Variants in FBXL5 observed in about 807,000 individuals in gnomAD.
FBXL5 encodes F-box and leucine rich repeat protein 5.
Under a neutral mutation model 78.3 loss-of-function variants are expected in FBXL5, and 26 were observed. The ratio of observed to expected loss-of-function variants is 0.33; its 90% CI spans 0.24 to 0.46. FBXL5 has a LOEUF of 0.46. Among genes scored for constraint, FBXL5 ranks in the 20% least tolerant of loss-of-function variants. The pLI, the probability that FBXL5 is intolerant of heterozygous loss-of-function variation, is 1.00. For synonymous variants in FBXL5, 295 were observed against 282.5 expected (o/e 1.04, Z -0.45); for missense variants, 710 against 829.2 (o/e 0.86, Z 1.77).
At chr4:15,626,187 ACCT>A (rs1177016883) in intron 8 of FBXL5, among the ~76,000 whole-genome samples, 1 of 152,192 alleles carries the variant, frequency 6.6e-6, no homozygotes, top group Non-Finnish European at 1.5e-5. Flanking sequence ...AGTATTCCTA[ACCT>A]AACAGAAGGG....
At chr4:15,666,675 C>CA (rs1370306741) in intron 1 of FBXL5, among the ~76,000 whole-genome samples, 4 of 150,970 alleles carry the variant, frequency 2.6e-5, no homozygotes, top group South Asian at 4.2e-4. Flanking sequence ...TACTAAACAT[C>CA]AAAAAAATTA....
At chr4:15,646,382 C>T (rs1181725011) in intron 1 of FBXL5, among the ~76,000 whole-genome samples, 3 of 147,424 alleles carry the variant, frequency 2.0e-5, no homozygotes, top group Admixed American at 1.3e-4. Flanking sequence ...TTTTTTAAAT[C>T]ATAAGAAATG....
chr4:15,656,530 TAGA>T (rs925428590), upstream of FBXL5, among the ~76,000 whole-genome samples: 4 of 152,266 alleles, frequency 2.6e-5, no homozygotes, highest in South Asian at 2.1e-4. Flanking sequence ...AATAATGGAG[TAGA>T]AGAAGGTGAG....
upstream of FBXL5, among the ~76,000 whole-genome samples, chr4:15,660,114 T>G (rs1437489320): frequency 6.6e-6 from 1 of 152,072 alleles, no homozygotes; most frequent in Non-Finnish European, 1.5e-5. Flanking sequence ...GGTTTCACTC[T>G]GTCACCCAGG....
intron 1 of FBXL5, among the ~76,000 whole-genome samples, chr4:15,646,349 G>A (rs1715343234): frequency 6.9e-6 from 1 of 145,120 alleles, no homozygotes; most frequent in African/African-American, 2.6e-5. Context: ...GGACATACTT[G>A]GTTAAATACA....
upstream of FBXL5, chr4:15,656,335 G>A (rs1212021837): frequency 2.2e-6 from 1 of 456,082 alleles, no homozygotes; most frequent in East Asian, 6.9e-5. Context: ...TGGTTGGCTG[G>A]AGTACTGCTG....
Position 15,625,165 on chromosome 4 carries a change from A to G in FBXL5, c.1850+87T>C, listed in dbSNP as rs111519022. 7 of 1,435,016 alleles carry G rather than the reference A, an allele frequency of 4.9e-6. 1 individual carries two copies. The highest frequency in any genetic ancestry group is 1.5e-5 in the African/African-American group (1 of 65,492). The allele number at this position is 1,435,016 out of a possible 1,614,324, so 88.9% of individuals were successfully genotyped here. A position where few individuals can be genotyped will look rare whatever the true frequency, so the allele number is the denominator to read the frequency against. On this transcript the variant is annotated intron_variant, in intron 9 of 10. Transcript: ENST00000341285. ...TCCTTTTTGCTAAGTAAATCAACTG[A>G]AAAGAATGACTTAGATCAAAATTTT... is the stretch of plus-strand genomic sequence containing the variant.
chr4:15,616,116 C>T (rs1711837700), intron 9 of FBXL5, among the ~76,000 whole-genome samples: 1 of 152,080 alleles, frequency 6.6e-6, no homozygotes, highest in African/African-American at 2.4e-5. Context: ...ACTCCTGAGC[C>T]AGCGAGACCA....
chr4:15,654,596 G>T (rs942276369), intron 1 of FBXL5, among the ~76,000 whole-genome samples: 2 of 152,238 alleles, frequency 1.3e-5, no homozygotes, highest in African/African-American at 4.8e-5. Context: ...CATGAAGAGT[G>T]AAGGTTCTTC....
rs1721795571 is a variant in FBXL5 at position 15,605,089 on chromosome 4, T to A, written c.*634A>T. 1 of 152,620 alleles carries A rather than the reference T, an allele frequency of 6.6e-6. No individual in the cohort carries two copies. Among genetic ancestry groups the A allele is most frequent in the Non-Finnish European group, 1.5e-5 (1 of 68,034 alleles). 9.5% of individuals were successfully genotyped at this position (152,620 alleles called of 1,614,324 possible). ...TATTTTAAAAAATCTCTCCCAAATTTGATGACATAGGGACAGTGGTGAGAA... is the reference window on the plus strand; with the variant it reads ...TATTTTAAAAAATCTCTCCCAAATTAGATGACATAGGGACAGTGGTGAGAA... On this transcript the variant is annotated 3_prime_UTR_variant, in exon 11 of 11. Transcript: ENST00000341285.
At chr4:15,647,222 CAAAAAAA>C (rs112736448) in intron 1 of FBXL5, among the ~76,000 whole-genome samples, 100 of 36,524 alleles carry the variant, frequency 2.7e-3, no homozygotes, top group African/African-American at 0.011. Flanking sequence ...GACTCCATCT[CAAAAAAA>C]AAAAAAAAAA....
intron 5 of FBXL5, among the ~76,000 whole-genome samples, chr4:15,634,355 A>AT (rs35206354): frequency 6.6e-6 from 1 of 150,840 alleles, no homozygotes; most frequent in East Asian, 2.0e-4. Context: ...TGTCTGACTA[A>AT]TTTTTTTTCT....
chr4:15,667,756 G>A (rs913841893), intron 1 of FBXL5, among the ~76,000 whole-genome samples: 1 of 152,022 alleles, frequency 6.6e-6, no homozygotes, highest in Non-Finnish European at 1.5e-5. Flanking sequence ...TTGACTTCCT[G>A]GTATAAGATG....
chr4:15,648,062 G>A (rs1159968838), intron 1 of FBXL5, among the ~76,000 whole-genome samples: 2 of 152,072 alleles, frequency 1.3e-5, no homozygotes, highest in Non-Finnish European at 2.9e-5. Context: ...TCACTATGTT[G>A]GCCAAGCTGG....
intron 9 of FBXL5, among the ~76,000 whole-genome samples, chr4:15,618,666 A>AC (rs1712149021): frequency 6.6e-6 from 1 of 151,108 alleles, no homozygotes; most frequent in Non-Finnish European, 1.5e-5. Context: ...ACATGGTGAA[A>AC]CCCCGTCTCC....
chr4:15,674,429 T>C (rs1190267252), intron 1 of FBXL5, among the ~76,000 whole-genome samples: 9 of 152,140 alleles, frequency 5.9e-5, no homozygotes, highest in African/African-American at 2.2e-4. Flanking sequence ...CATAGCACAC[T>C]CATCACTTTA....
intron 9 of FBXL5, among the ~76,000 whole-genome samples, chr4:15,614,453 A>AGG (rs2148531962): frequency 6.6e-6 from 1 of 152,266 alleles, no homozygotes; most frequent in African/African-American, 2.4e-5. Flanking sequence ...GCAGTAGTAT[A>AGG]GGGAGGGTAC....
intron 10 of FBXL5, among the ~76,000 whole-genome samples, chr4:15,610,900 T>C (rs950721679): frequency 6.6e-6 from 1 of 152,130 alleles, no homozygotes. Context: ...CCTTAGGAAG[T>C]GGAAGTATAG....
upstream of FBXL5, among the ~76,000 whole-genome samples, chr4:15,664,550 CTTTTTT>C (rs35319145): frequency 1.1e-4 from 8 of 75,518 alleles, no homozygotes; most frequent in Middle Eastern, 0.016. Context: ...GGCCCTCATC[CTTTTTT>C]TTTTTTTTTT....
Sources: allele counts gnomAD v4.1 joint callset (sites outside exome capture counted in the v4.1 genomes callset), GRCh38; gene constraint gnomAD v4.1.1; transcripts MANE v1.5; gene names NCBI Gene and HGNC (gene_info 2026-07-23, HGNC 2026-07-21).